METTL15: variants seen among roughly 807,000 people sequenced by gnomAD.
The protein encoded by METTL15 is methyltransferase 15, mitochondrial 12S rRNA N4-cytidine.
Under a neutral mutation model 38.3 loss-of-function variants are expected in METTL15, and 34 were observed. The ratio of observed to expected loss-of-function variants is 0.89; its 90% CI spans 0.68 to 1.18. The LOEUF (loss-of-function observed/expected upper bound fraction) is 1.18. Among genes scored for constraint, METTL15 ranks in the 50% most tolerant of loss-of-function variants. The pLI is 0.00. For synonymous variants in METTL15, 162 were observed against 170.9 expected (o/e 0.95, Z 0.41); for missense variants, 438 against 498.4 (o/e 0.88, Z 1.15).
At chr11:28,365,213 C>A (rs1457067831) in intron 5 of METTL15, among the ~76,000 whole-genome samples, 1 of 152,116 alleles carries the variant, frequency 6.6e-6, no homozygotes, top group Non-Finnish European at 1.5e-5. Flanking sequence ...AGCGAGAAAC[C>A]CTTTTTCCTT....
chr11:28,314,459 T>C (rs928034650), intron 6 of METTL15, among the ~76,000 whole-genome samples: 2 of 152,204 alleles, frequency 1.3e-5, no homozygotes, highest in Admixed American at 6.5e-5. Context: ...GGATCAATAA[T>C]GCATGCCCTG....
rs775248635 is a variant in METTL15 at position 28,164,930 on chromosome 11, A to C, written c.271-46132A>C. 2.6e-5 allele frequency among the ~76,000 whole-genome samples: 4 copies of C among 152,218 alleles called. No homozygotes were observed. In the South Asian group the frequency reaches 6.2e-4, roughly 24 times the overall value. The stretch of plus-strand genomic sequence containing the variant: ...TGAGTTACACTTTTTTAGATTCTAC[A>C]TATAAGTGGAATAATGCAGTATCTG... On this transcript the variant is annotated intron_variant, in intron 3 of 6. Transcript: ENST00000407364.
At chr11:28,359,931 C>T (rs1850122005) in intron 4 of METTL15, among the ~76,000 whole-genome samples, 1 of 152,142 alleles carries the variant, frequency 6.6e-6, no homozygotes, top group Non-Finnish European at 1.5e-5. Context: ...GAAACTGTTG[C>T]TCTGATGCCT....
intron 6 of METTL15, among the ~76,000 whole-genome samples, chr11:28,470,624 T>C (rs1851295886): frequency 2.0e-5 from 3 of 152,290 alleles, no homozygotes; most frequent in Admixed American, 2.0e-4. Context: ...AGAAGTGCTG[T>C]CTTCCTTGAA....
chr11:28,239,265 G>GCCCTGATTCCAGCCCAT (rs1372999744), intron 4 of METTL15, among the ~76,000 whole-genome samples: 1 of 152,112 alleles, frequency 6.6e-6, no homozygotes, highest in Non-Finnish European at 1.5e-5. Flanking sequence ...AACATGCTTT[G>GCCCTGATTCCAGCCCAT]CCCTGATTCC....
At chr11:28,216,095 T>C (rs1396980160) in intron 4 of METTL15, among the ~76,000 whole-genome samples, 1 of 152,196 alleles carries the variant, frequency 6.6e-6, no homozygotes, top group Non-Finnish European at 1.5e-5. Context: ...TAAATTAATA[T>C]ATACATGTAT....
intron 3 of METTL15, chr11:28,125,842 A>G (rs1415088108): frequency 4.6e-5 from 7 of 152,126 alleles, no homozygotes; most frequent in Admixed American, 1.3e-4. Flanking sequence ...ATGCATCTTA[A>G]TTAAACTGTT....
intron 5 of METTL15, among the ~76,000 whole-genome samples, chr11:28,380,168 C>CA (rs1554917347): frequency 2.4e-5 from 3 of 124,088 alleles, no homozygotes; most frequent in African/African-American, 9.1e-5. Context: ...CCACTTTATG[C>CA]TTTTTTTTTT....
chr11:28,261,869 G>A (rs1459022836), intron 4 of METTL15, among the ~76,000 whole-genome samples: 3 of 152,136 alleles, frequency 2.0e-5, no homozygotes, highest in Admixed American at 6.5e-5. Context: ...CTTTGCAAGT[G>A]TTATTTAATC....
intron 3 of METTL15, among the ~76,000 whole-genome samples, chr11:28,186,765 CA>C (rs1305514176): frequency 2.0e-5 from 3 of 150,866 alleles, no homozygotes; most frequent in Non-Finnish European, 3.0e-5. Flanking sequence ...TGTAATATAA[CA>C]TTTTTTTTTA....
chr11:28,347,507 T>C (rs1189016007), intron 3 of METTL15, among the ~76,000 whole-genome samples: 1 of 152,224 alleles, frequency 6.6e-6, no homozygotes, highest in East Asian at 1.9e-4. Flanking sequence ...TCCTTCTGTA[T>C]TCAATCCTGA....
rs1334063728 is a variant in METTL15, at chr11:28,129,051, TGTCCTCATAGGACATGATGGAGAAA to T, written c.270+15474_270+15498del. ...CCTTTTGTTGCTGGATTTCTCAACT[TGTCCTCATAGGACATGATGGAGAAA>T]GTCCTCATAGGACATGATGGAGAAA... On this transcript the variant is annotated intron_variant, in intron 3 of 6. Transcript: ENST00000407364. Among the ~76,000 whole-genome samples the T allele has an allele frequency of 2.6e-5, 4 of 152,332 alleles. No homozygotes were observed. The East Asian group carries it at 7.7e-4, about 29-fold the overall frequency.
At chr11:28,461,888 G>T (rs1851218870) in intron 6 of METTL15, among the ~76,000 whole-genome samples, 1 of 151,954 alleles carries the variant, frequency 6.6e-6, no homozygotes, top group African/African-American at 2.4e-5. Flanking sequence ...AGACATACAG[G>T]ATTGGAAATT....
intron 3 of METTL15, among the ~76,000 whole-genome samples, chr11:28,169,100 T>C (rs1051548904): frequency 1.3e-5 from 2 of 152,164 alleles, no homozygotes; most frequent in Admixed American, 1.3e-4. Context: ...GGAGAGAGAC[T>C]GGTAGAGAAA....
chr11:28,372,649 A>AGGGTACATGTGCACATTGT (rs1157153329), intron 5 of METTL15, among the ~76,000 whole-genome samples: 9 of 150,506 alleles, frequency 6.0e-5, no homozygotes, highest in African/African-American at 2.2e-4. Context: ...TTTAAGTTTT[A>AGGGTACATGTGCACATTGT]GGGTACATGT....
chr11:28,176,676 G>A (rs535085470), intron 3 of METTL15, among the ~76,000 whole-genome samples: 14 of 152,194 alleles, frequency 9.2e-5, no homozygotes, highest in African/African-American at 3.4e-4. Context: ...ACAGTATTAT[G>A]TGTGGTCTTT....
At chr11:28,306,072 T>G (rs1378386581) in intron 6 of METTL15, among the ~76,000 whole-genome samples, 2 of 152,242 alleles carry the variant, frequency 1.3e-5, no homozygotes, top group Middle Eastern at 3.4e-3. Context: ...TTCCTAAATG[T>G]GACCTTGAGC....
intron 6 of METTL15, among the ~76,000 whole-genome samples, chr11:28,522,524 C>T (rs1224221470): frequency 6.6e-6 from 1 of 152,182 alleles, no homozygotes; most frequent in East Asian, 1.9e-4. Flanking sequence ...TTAATTTATT[C>T]GAAGTCCACC....
At chr11:28,313,021 AG>A (rs1399428206) in intron 6 of METTL15, among the ~76,000 whole-genome samples, 1 of 151,574 alleles carries the variant, frequency 6.6e-6, no homozygotes. Context: ...TATTAGTCAG[AG>A]TTCATGTCTC....
Sources: gnomAD v4.1 joint callset for allele counts (sites outside exome capture counted in the v4.1 genomes callset) on GRCh38, gnomAD v4.1.1 for gene constraint, MANE v1.5 for transcripts, NCBI Gene and HGNC (gene_info 2026-07-23, HGNC 2026-07-21) for gene names.